Variants in PPP3CA observed in about 807,000 individuals in gnomAD.
The protein encoded by PPP3CA is protein phosphatase 3 catalytic subunit alpha.
A neutral mutation model predicts 66.5 loss-of-function variants in PPP3CA; 14 were observed. That is an observed-to-expected ratio of 0.21 (90% CI 0.14 to 0.33). The LOEUF is 0.33. PPP3CA is among the 10% of genes least tolerant of loss of function. The pLI is 1.00. For missense variants in PPP3CA, 317 were observed against 639.5 expected (o/e 0.50, Z 5.44); for synonymous variants, 232 against 226.2 (o/e 1.03, Z -0.23).
intron 10 of PPP3CA, among the ~76,000 whole-genome samples, chr4:101,053,053 C>T (rs532947489): frequency 1.1e-3 from 166 of 152,064 alleles, no homozygotes; most frequent in Non-Finnish European, 1.8e-3. Flanking sequence ...AAGGCAGGGA[C>T]CATATGTGTT....
intron 1 of PPP3CA, among the ~76,000 whole-genome samples, chr4:101,318,687 T>A (rs1388231157): frequency 6.6e-6 from 1 of 152,094 alleles, no homozygotes; most frequent in Non-Finnish European, 1.5e-5. Flanking sequence ...GTCATTAAAG[T>A]TTTCATTTGT....
intron 2 of PPP3CA, among the ~76,000 whole-genome samples, chr4:101,130,480 A>G (rs755352929): frequency 4.6e-5 from 7 of 152,184 alleles, no homozygotes; most frequent in Non-Finnish European, 1.0e-4. Flanking sequence ...TGAAGGAAAA[A>G]ATGTAAAGAG....
rs1726630564 is a variant in PPP3CA, at chr4:101,025,988, C to T, written c.1443G>A (p.Glu481=). 2 of 1,613,928 alleles carry T rather than the reference C, an allele frequency of 1.2e-6. No individual in the cohort carries two copies. Among genetic ancestry groups the T allele is most frequent in the Non-Finnish European group, 1.7e-6 (2 of 1,179,914 alleles). Reference sequence around the variant, plus strand: ...TGGCATCTCTGCGAGGCGGCATCCTCTCATTAATTCGGTCTAAGCCCTTGG... The same window carrying T: ...TGGCATCTCTGCGAGGCGGCATCCTTTCATTAATTCGGTCTAAGCCCTTGG... ...EEAKGLDRIN[E]RMPPRRDAMP... The change falls in exon 14 of 14, where the codon GAG becomes GAA. Residue 481 remains glutamate (E), a synonymous_variant. Coordinates refer to ENST00000394854, the MANE Select transcript of PPP3CA (RefSeq NM_000944.5).
At chr4:101,242,719 G>T (rs536065222) in intron 1 of PPP3CA, among the ~76,000 whole-genome samples, 1 of 152,158 alleles carries the variant, frequency 6.6e-6, no homozygotes, top group South Asian at 2.1e-4. Flanking sequence ...TTGAGACCAG[G>T]AGTTCAAGAT....
At chr4:101,230,643 A>C (rs1354447218) in intron 1 of PPP3CA, among the ~76,000 whole-genome samples, 1 of 151,598 alleles carries the variant, frequency 6.6e-6, no homozygotes, top group Admixed American at 6.6e-5. Flanking sequence ...TCCATCCTTT[A>C]CTCTGCCATA....
intron 2 of PPP3CA, among the ~76,000 whole-genome samples, chr4:101,110,177 A>G (rs1346040890): frequency 6.6e-6 from 1 of 152,208 alleles, no homozygotes; most frequent in African/African-American, 2.4e-5. Flanking sequence ...CTTCTGCAAC[A>G]CTAAGAGTTA....
In PPP3CA at chr4:101,172,535, T is replaced by C. The variant is rs1035160104; in HGVS notation, c.259+23381A>G. Among the ~76,000 whole-genome samples, 6 of 152,154 alleles carry C rather than the reference T, an allele frequency of 3.9e-5. No individual in the cohort carries two copies. The East Asian group carries it at 9.6e-4, about 24-fold the overall frequency. ...TAGTCACAGTTCCCTTGTGACTAAA[T>C]GTCCCCAAAATGTTTTCCTCACTTT... On this transcript the variant is annotated intron_variant, in intron 2 of 13. Coordinates refer to ENST00000394854, the MANE Select transcript of PPP3CA (RefSeq NM_000944.5).
chr4:101,199,887 A>G (rs186888918), intron 1 of PPP3CA, among the ~76,000 whole-genome samples: 42 of 152,332 alleles, frequency 2.8e-4, no homozygotes, highest in Non-Finnish European at 4.9e-4. Flanking sequence ...TGGCATCTAT[A>G]TAACTATTAT....
intron 1 of PPP3CA, among the ~76,000 whole-genome samples, chr4:101,320,456 G>A (rs1321215638): frequency 2.4e-5 from 3 of 125,816 alleles, no homozygotes; most frequent in African/African-American, 3.4e-5. Flanking sequence ...CCACTCATAT[G>A]TATGTATGTA....
At chr4:101,278,367 C>A (rs1440477139) in intron 1 of PPP3CA, among the ~76,000 whole-genome samples, 1 of 152,008 alleles carries the variant, frequency 6.6e-6, no homozygotes, top group Non-Finnish European at 1.5e-5. Flanking sequence ...TCTCACTAAC[C>A]CTCAGAATTA....
At chr4:101,168,146 A>G (rs1418419223) in intron 2 of PPP3CA, among the ~76,000 whole-genome samples, 1 of 152,198 alleles carries the variant, frequency 6.6e-6, no homozygotes, top group African/African-American at 2.4e-5. Flanking sequence ...GCAGACAGGG[A>G]ATGGAGAAGT....
intron 1 of PPP3CA, among the ~76,000 whole-genome samples, chr4:101,300,136 G>T (rs78215218): frequency 0.017 from 2,661 of 152,288 alleles, 84 homozygotes; most frequent in African/African-American, 0.057. Context: ...ATTTGGGTCA[G>T]ACCACAAATA....
Position 101,179,472 on chromosome 4 carries a change from G to C in PPP3CA, c.259+16444C>G, listed in dbSNP as rs79658579. 4.9e-3 allele frequency among the ~76,000 whole-genome samples: 750 copies of C among 152,248 alleles called. 3 individuals carry two copies. The highest frequency in any genetic ancestry group is 0.017 in the African/African-American group (694 of 41,552). On this transcript the variant is annotated intron_variant, in intron 2 of 13. Transcript: ENST00000394854. ...CATCAAATTAATAGAAACTCAGCAT[G>C]CTGTCTTCCATAACTGCATCATCCT...
At chr4:101,191,386 A>C (rs1472779359) in intron 2 of PPP3CA, among the ~76,000 whole-genome samples, 1 of 152,166 alleles carries the variant, frequency 6.6e-6, no homozygotes, top group Non-Finnish European at 1.5e-5. Flanking sequence ...CACCTTTTAT[A>C]ATATAATCAC....
chr4:101,280,256 G>GT (rs1161168098), intron 1 of PPP3CA, among the ~76,000 whole-genome samples: 2 of 152,184 alleles, frequency 1.3e-5, no homozygotes, highest in Non-Finnish European at 2.9e-5. Flanking sequence ...TTGAGCAGAC[G>GT]TAAGGAGGTG....
At chr4:101,341,795 A>G (rs1474671557) in intron 1 of PPP3CA, among the ~76,000 whole-genome samples, 3 of 152,176 alleles carry the variant, frequency 2.0e-5, no homozygotes, top group Non-Finnish European at 4.4e-5. Flanking sequence ...AAGTTGCTGG[A>G]AAAAAATTGA....
intron 1 of PPP3CA, among the ~76,000 whole-genome samples, chr4:101,296,771 T>C (rs1057395084): frequency 1.6e-4 from 25 of 152,268 alleles, no homozygotes; most frequent in African/African-American, 6.0e-4. Flanking sequence ...TATGCATACA[T>C]GATTATAATT....
intron 2 of PPP3CA, among the ~76,000 whole-genome samples, chr4:101,193,341 G>A (rs1166950399): frequency 6.6e-6 from 1 of 152,120 alleles, no homozygotes; most frequent in East Asian, 1.9e-4. Context: ...ACAAAGATAA[G>A]TTCAACTACA....
chr4:101,123,193 A>C (rs1342961928), intron 2 of PPP3CA, among the ~76,000 whole-genome samples: 2 of 152,160 alleles, frequency 1.3e-5, no homozygotes, highest in Non-Finnish European at 2.9e-5. Flanking sequence ...AGAGATTTTT[A>C]TTCTTCTTTG....
Sources: gnomAD v4.1 joint callset for allele counts (sites outside exome capture counted in the v4.1 genomes callset) on GRCh38, gnomAD v4.1.1 for gene constraint, MANE v1.5 for transcripts, NCBI Gene and HGNC (gene_info 2026-07-23, HGNC 2026-07-21) for gene names.